The following SPAG16 variants were observed in gnomAD, a reference collection of about 807,000 sequenced individuals.
SPAG16 encodes the protein sperm-associated antigen 16 protein.
In SPAG16, 86 loss-of-function variants were observed where a neutral mutation model predicts 80.4. That is an observed-to-expected ratio of 1.07 (90% CI 0.90 to 1.28). SPAG16 has a LOEUF of 1.28. SPAG16 is among the 50% of genes most tolerant of loss of function. The pLI is 0.00. For synonymous variants in SPAG16, 294 were observed against 265.9 expected (o/e 1.11, Z -1.03); for missense variants, 870 against 765.3 (o/e 1.14, Z -1.61).
At chr2:213,824,822 G>T (rs1301259372) in intron 10 of SPAG16, among the ~76,000 whole-genome samples, 5 of 151,956 alleles carry the variant, frequency 3.3e-5, no homozygotes, top group Non-Finnish European at 5.9e-5. Flanking sequence ...AGATTTCTTT[G>T]GGTAATATGG....
intron 5 of SPAG16, chr2:213,317,765 G>T: frequency 1.0e-6 from 1 of 982,790 alleles, no homozygotes; most frequent in Non-Finnish European, 1.2e-6. Context: ...AAATTCTCCA[G>T]AAGGAATAAT....
chr2:213,760,041 A>AT (rs1315554377), intron 10 of SPAG16, among the ~76,000 whole-genome samples: 1 of 151,918 alleles, frequency 6.6e-6, no homozygotes, highest in Non-Finnish European at 1.5e-5. Context: ...TCTCAAAAAA[A>AT]GAAAAAAAAA....
At chr2:214,371,914 C>T (rs1457686129) in intron 15 of SPAG16, among the ~76,000 whole-genome samples, 1 of 152,036 alleles carries the variant, frequency 6.6e-6, no homozygotes, top group Non-Finnish European at 1.5e-5. Flanking sequence ...CTCCTGGCCT[C>T]AAGCAATCTG....
At chr2:213,964,614 G>A (rs761760107) in intron 12 of SPAG16, among the ~76,000 whole-genome samples, 4 of 151,950 alleles carry the variant, frequency 2.6e-5, no homozygotes, top group Non-Finnish European at 5.9e-5. Flanking sequence ...GGGATCCCCT[G>A]TACATGATAA....
At chr2:214,059,554 GTTTTA>G (rs1180991430) in intron 13 of SPAG16, among the ~76,000 whole-genome samples, 2 of 151,642 alleles carry the variant, frequency 1.3e-5, no homozygotes, top group Admixed American at 6.6e-5. Flanking sequence ...AAATTCCAGT[GTTTTA>G]TTTTATAATT....
intron 10 of SPAG16, among the ~76,000 whole-genome samples, chr2:213,547,435 T>C (rs1026017715): frequency 6.6e-6 from 1 of 152,170 alleles, no homozygotes; most frequent in African/African-American, 2.4e-5. Context: ...ATATCAGTAG[T>C]TTCATTTAAA....
intron 12 of SPAG16, among the ~76,000 whole-genome samples, chr2:213,995,614 G>C (rs1323720818): frequency 6.6e-6 from 1 of 152,028 alleles, no homozygotes; most frequent in East Asian, 1.9e-4. Context: ...CATTCTTAGG[G>C]CATCTCTTCC....
intron 13 of SPAG16, among the ~76,000 whole-genome samples, chr2:214,048,016 T>G (rs2049432960): frequency 6.6e-6 from 1 of 152,150 alleles, no homozygotes; most frequent in South Asian, 2.1e-4. Flanking sequence ...TTAAAATGGC[T>G]TTTATCCAAA....
intron 10 of SPAG16, among the ~76,000 whole-genome samples, chr2:213,492,238 T>A (rs1484083170): frequency 6.6e-6 from 1 of 152,092 alleles, no homozygotes; most frequent in Non-Finnish European, 1.5e-5. Flanking sequence ...TCTCAAATAG[T>A]TTCATAATCT....
intron 13 of SPAG16, among the ~76,000 whole-genome samples, chr2:214,042,719 T>A (rs1197968281): frequency 6.6e-6 from 1 of 152,184 alleles, no homozygotes; most frequent in Non-Finnish European, 1.5e-5. Flanking sequence ...CTGATTTGTG[T>A]TACAGAGTCT....
intron 10 of SPAG16, among the ~76,000 whole-genome samples, chr2:213,636,298 C>T (rs564428825): frequency 5.3e-5 from 8 of 152,228 alleles, no homozygotes; most frequent in Admixed American, 2.0e-4. Flanking sequence ...TATTCTGTTC[C>T]ATTGGTCTGT....
chr2:213,686,989 C>T (rs1559376534), intron 10 of SPAG16, among the ~76,000 whole-genome samples: 3 of 151,906 alleles, frequency 2.0e-5, no homozygotes, highest in African/African-American at 7.3e-5. Flanking sequence ...GGCTAACCCA[C>T]CATTTTCTAC....
At chr2:213,406,502 T>C (rs2068612597) in intron 9 of SPAG16, among the ~76,000 whole-genome samples, 1 of 152,242 alleles carries the variant, frequency 6.6e-6, no homozygotes, top group African/African-American at 2.4e-5. Context: ...ATTTATGTGA[T>C]TTATGAAATA....
In SPAG16 at chr2:214,147,283, CTATT is replaced by C. The variant is rs1220571562; in HGVS notation, c.1594-1854_1594-1851del. Among the ~76,000 whole-genome samples, 16 of 152,190 alleles carry C rather than the reference CTATT, an allele frequency of 1.1e-4. No homozygotes were observed. The South Asian group carries it at 2.5e-3, about 24-fold the overall frequency. ...AGTATTAAATGTAAAAATATTAAAA[CTATT>C]TACCTACTCATTTTCACACAATAAC... is the stretch of plus-strand genomic sequence containing the variant. On this transcript the variant is annotated intron_variant, in intron 14 of 15. Transcript: ENST00000331683.
In SPAG16 at chr2:213,843,562, C is replaced by A. The variant is rs964139524; in HGVS notation, c.1071-18923C>A. On this transcript the variant is annotated intron_variant, in intron 10 of 15. Transcript: ENST00000331683. ...TCTAATGCAGAGAGTCAATAAACAC[C>A]CTTCTAGGCCGGGCGAGGTGGCTCA... Among the ~76,000 whole-genome samples, 20 of 152,036 alleles carry A rather than the reference C, an allele frequency of 1.3e-4. No homozygotes were observed. The Middle Eastern group carries it at 0.01, about 78-fold the overall frequency.
intron 10 of SPAG16, among the ~76,000 whole-genome samples, chr2:213,698,355 G>A (rs182087839): frequency 1.7e-4 from 26 of 152,118 alleles, no homozygotes; most frequent in Middle Eastern, 6.8e-3. Flanking sequence ...CTAACCTCCC[G>A]GGCTCAAGTA....
At chr2:213,677,126 G>A (rs536526599) in intron 10 of SPAG16, among the ~76,000 whole-genome samples, 67 of 151,692 alleles carry the variant, frequency 4.4e-4, no homozygotes, top group African/African-American at 1.5e-3. Flanking sequence ...TGTATGTGTC[G>A]AGGAAAGGAA....
intron 13 of SPAG16, among the ~76,000 whole-genome samples, chr2:214,082,032 C>T (rs969769446): frequency 6.6e-6 from 1 of 152,112 alleles, no homozygotes; most frequent in Admixed American, 6.6e-5. Flanking sequence ...TTTTAATTGT[C>T]GGCCTGTGGC....
intron 15 of SPAG16, among the ~76,000 whole-genome samples, chr2:214,392,221 T>C (rs1489946252): frequency 6.6e-6 from 1 of 152,164 alleles, no homozygotes; most frequent in Non-Finnish European, 1.5e-5. Context: ...TGGAATGCAG[T>C]GGCAGGCTCT....
Sources: gnomAD v4.1 joint callset for allele counts (sites outside exome capture counted in the v4.1 genomes callset) on GRCh38, gnomAD v4.1.1 for gene constraint, MANE v1.5 for transcripts, NCBI Gene and HGNC (gene_info 2026-07-23, HGNC 2026-07-21) for gene names.